Variants in MAGI1 observed in about 807,000 individuals in gnomAD.
The protein encoded by MAGI1 is membrane-associated guanylate kinase, WW and PDZ domain-containing protein 1.
In MAGI1, 58 loss-of-function variants were observed where a neutral mutation model predicts 139.9. The ratio of observed to expected loss-of-function variants is 0.41; its 90% CI spans 0.34 to 0.52. The LOEUF is 0.52. MAGI1 is among the 20% of genes least tolerant of loss of function. MAGI1 has a pLI of 0.12. For missense variants in MAGI1, 1,874 were observed against 1,901.6 expected (o/e 0.99, Z 0.27); for synonymous variants, 812 against 737.9 (o/e 1.10, Z -1.63).
At chr3:65,938,195 AAC>A (rs1387621974) in intron 1 of MAGI1, among the ~76,000 whole-genome samples, 7 of 151,688 alleles carry the variant, frequency 4.6e-5, no homozygotes, top group African/African-American at 1.4e-4. Flanking sequence ...AGTGGATAGG[AAC>A]AGTTTCTTTC....
At chr3:65,726,026 T>A (rs970754706) in intron 1 of MAGI1, among the ~76,000 whole-genome samples, 8 of 152,212 alleles carry the variant, frequency 5.3e-5, no homozygotes, top group Non-Finnish European at 8.8e-5. Context: ...TTAGCAGGGT[T>A]AAAGTAATAT....
At chr3:66,027,008 A>G (rs1330399616) in intron 1 of MAGI1, among the ~76,000 whole-genome samples, 3 of 150,468 alleles carry the variant, frequency 2.0e-5, no homozygotes, top group South Asian at 4.2e-4. Flanking sequence ...GGTGGCTCAC[A>G]CTTGTAATCC....
Position 65,704,792 on chromosome 3 carries a change from G to C in MAGI1, c.314-82704C>G, listed in dbSNP as rs1576811970. On this transcript the variant is annotated intron_variant, in intron 1 of 22. Transcript: ENST00000402939. ...ACACTTTGTAGAAATGCGCCTCTAT[G>C]GTGAGCTAAATCTCTCTCCTTCTTT... 2.0e-5 allele frequency among the ~76,000 whole-genome samples: 3 copies of C among 150,676 alleles called. No homozygotes were observed. The South Asian group carries it at 6.3e-4, about 31-fold the overall frequency.
chr3:65,509,363 C>T (rs1437036557), intron 2 of MAGI1, among the ~76,000 whole-genome samples: 2 of 152,098 alleles, frequency 1.3e-5, no homozygotes, highest in South Asian at 2.1e-4. Flanking sequence ...ACGCAGAAGA[C>T]GGGTGATTTC....
At chr3:65,624,068 A>G (rs2083832141) in intron 1 of MAGI1, among the ~76,000 whole-genome samples, 3 of 152,318 alleles carry the variant, frequency 2.0e-5, no homozygotes, top group Non-Finnish European at 2.9e-5. Flanking sequence ...TAAAATCACA[A>G]TGAGATCCCA....
At chr3:65,929,204 G>C (rs562824240) in intron 1 of MAGI1, among the ~76,000 whole-genome samples, 188 of 152,096 alleles carry the variant, frequency 1.2e-3, no homozygotes, top group Non-Finnish European at 1.9e-3. Context: ...TGTTTGTAGA[G>C]CACCCCTGTT....
At chr3:65,766,875 C>A (rs551973732) in intron 1 of MAGI1, among the ~76,000 whole-genome samples, 60 of 152,108 alleles carry the variant, frequency 3.9e-4, no homozygotes, top group African/African-American at 1.3e-3. Flanking sequence ...GGTGACAGAG[C>A]GAGACTCCAT....
At chr3:65,607,645 AC>A (rs1410227002) in intron 2 of MAGI1, among the ~76,000 whole-genome samples, 1 of 152,138 alleles carries the variant, frequency 6.6e-6, no homozygotes, top group Non-Finnish European at 1.5e-5. Context: ...CCCTACTACT[AC>A]CCTGGACAAG....
chr3:65,575,036 C>G (rs2081121227), intron 2 of MAGI1, among the ~76,000 whole-genome samples: 1 of 152,016 alleles, frequency 6.6e-6, no homozygotes, highest in Non-Finnish European at 1.5e-5. Flanking sequence ...AAACCACAAT[C>G]TATTAAGGAA....
At chr3:65,668,537 A>G (rs2086659189) in intron 1 of MAGI1, among the ~76,000 whole-genome samples, 1 of 151,054 alleles carries the variant, frequency 6.6e-6, no homozygotes, top group Admixed American at 6.6e-5. Context: ...GTGAGTGATG[A>G]ACCAGCCATT....
intron 5 of MAGI1, among the ~76,000 whole-genome samples, chr3:65,462,143 T>C (rs1359349094): frequency 6.6e-6 from 1 of 152,238 alleles, no homozygotes; most frequent in African/African-American, 2.4e-5. Flanking sequence ...TTTGTCAATT[T>C]TGGCTTTTGT....
At chr3:65,936,539 G>A (rs946226866) in intron 1 of MAGI1, among the ~76,000 whole-genome samples, 13 of 151,566 alleles carry the variant, frequency 8.6e-5, no homozygotes, top group Middle Eastern at 3.4e-3. Context: ...CTCAGGCAGT[G>A]GGCCAAGATC....
intron 1 of MAGI1, among the ~76,000 whole-genome samples, chr3:65,647,930 G>C (rs901647744): frequency 6.6e-6 from 1 of 152,164 alleles, no homozygotes; most frequent in African/African-American, 2.4e-5. Context: ...GGAGCTAGAA[G>C]TTCTGGCCAA....
At chr3:65,504,233 T>C (rs1011852481) in intron 2 of MAGI1, among the ~76,000 whole-genome samples, 1 of 152,196 alleles carries the variant, frequency 6.6e-6, no homozygotes, top group Non-Finnish European at 1.5e-5. Context: ...GCTCTGACTA[T>C]ATCACAGAAT....
intron 1 of MAGI1, among the ~76,000 whole-genome samples, chr3:65,845,894 C>T (rs752056034): frequency 4.3e-4 from 65 of 152,266 alleles, no homozygotes; most frequent in Middle Eastern, 3.4e-3. Context: ...CCTTGTGATC[C>T]GCCAGACAAG....
At chr3:65,808,110 C>G (rs934197588) in intron 1 of MAGI1, among the ~76,000 whole-genome samples, 2 of 151,924 alleles carry the variant, frequency 1.3e-5, no homozygotes, top group East Asian at 3.9e-4. Context: ...CTCCGCCTCC[C>G]GAGTAGCTGG....
rs117708454 is a variant in MAGI1 at position 65,384,636 on chromosome 3, G to A, written c.2417-1013C>T. Among the ~76,000 whole-genome samples, 22 of 152,258 alleles carry A rather than the reference G, an allele frequency of 1.4e-4. 1 individual carries two copies. In the East Asian group the frequency reaches 4.3e-3, roughly 29 times the overall value. ...GTACTCCTAGCTATTCGGGAGCTGA[G>A]GTGGGAGAATCACTTGAGCCAGGGA... is the stretch of plus-strand genomic sequence containing the variant. On this transcript the variant is annotated intron_variant, in intron 14 of 22. Transcript: ENST00000402939.
chr3:65,998,374 T>C (rs1231051271), intron 1 of MAGI1, among the ~76,000 whole-genome samples: 1 of 152,166 alleles, frequency 6.6e-6, no homozygotes, highest in Non-Finnish European at 1.5e-5. Flanking sequence ...GGTAGTTTGT[T>C]ACATAGCTTT....
intron 1 of MAGI1, among the ~76,000 whole-genome samples, chr3:65,792,556 CTA>C (rs1280808450): frequency 5.9e-5 from 9 of 152,020 alleles, no homozygotes; most frequent in South Asian, 2.1e-4. Flanking sequence ...TTATAGCTAG[CTA>C]TATAGCTAGC....
Sources: gnomAD v4.1 joint callset for allele counts (sites outside exome capture counted in the v4.1 genomes callset) on GRCh38, gnomAD v4.1.1 for gene constraint, MANE v1.5 for transcripts, NCBI Gene and HGNC (gene_info 2026-07-23, HGNC 2026-07-21) for gene names.